Variants in EFNA5 observed in about 807,000 individuals in gnomAD.
The protein encoded by EFNA5 is ephrin A5.
In EFNA5, 5 loss-of-function variants were observed where a neutral mutation model predicts 22.9. That is an observed-to-expected ratio of 0.22 (90% CI 0.11 to 0.46). EFNA5 has a LOEUF of 0.46. EFNA5 is among the 20% of genes least tolerant of loss of function. The pLI, the probability that EFNA5 is intolerant of heterozygous loss-of-function variation, is 0.99. For synonymous variants in EFNA5, 113 were observed against 112.2 expected (o/e 1.01, Z -0.04); for missense variants, 237 against 293.3 (o/e 0.81, Z 1.40).
intron 1 of EFNA5, among the ~76,000 whole-genome samples, chr5:107,637,019 GTTTA>G (rs1750385960): frequency 6.6e-6 from 1 of 152,116 alleles, no homozygotes; most frequent in Non-Finnish European, 1.5e-5. Context: ...CCTGCTTTTT[GTTTA>G]TTTAATTTTA....
chr5:107,447,381 C>T (rs772231286), intron 1 of EFNA5, among the ~76,000 whole-genome samples: 3 of 152,162 alleles, frequency 2.0e-5, no homozygotes, highest in Non-Finnish European at 4.4e-5. Flanking sequence ...ATTGACTTTT[C>T]ACATATTTAT....
rs995031692 is a variant in EFNA5 at position 107,379,984 on chromosome 5, C to T, written c.*1271G>A. ...CAGATAAACACATGTTCCCCCTACGCTTTAGGCTGTGTCAGAAAGGGAAAG... is the reference window on the plus strand; with the variant it reads ...CAGATAAACACATGTTCCCCCTACGTTTTAGGCTGTGTCAGAAAGGGAAAG... On this transcript the variant is annotated 3_prime_UTR_variant, in exon 5 of 5. Coordinates refer to ENST00000333274, the MANE Select transcript of EFNA5 (RefSeq NM_001962.3). 6 of 152,166 alleles carry T rather than the reference C, an allele frequency of 3.9e-5. No homozygotes were observed. The highest frequency in any genetic ancestry group is 1.4e-4 in the African/African-American group (6 of 41,422). The allele number at this position is 152,166 out of a possible 1,614,324, so 9.4% of individuals were successfully genotyped here.
At chr5:107,595,500 T>A (rs1749454450) in intron 1 of EFNA5, among the ~76,000 whole-genome samples, 2 of 152,192 alleles carry the variant, frequency 1.3e-5, no homozygotes, top group African/African-American at 4.8e-5. Flanking sequence ...CATTCATAAT[T>A]TAATAAATAT....
At chr5:107,586,554 T>G (rs926570071) in intron 1 of EFNA5, among the ~76,000 whole-genome samples, 1 of 152,046 alleles carries the variant, frequency 6.6e-6, no homozygotes, top group Non-Finnish European at 1.5e-5. Flanking sequence ...ATCCCTAGAG[T>G]GCTTTCACTG....
At chr5:107,613,135 T>C (rs1749855461) in intron 1 of EFNA5, among the ~76,000 whole-genome samples, 1 of 152,066 alleles carries the variant, frequency 6.6e-6, no homozygotes, top group Non-Finnish European at 1.5e-5. Flanking sequence ...GGAAAGGCTG[T>C]GATTTTGTAC....
intron 1 of EFNA5, among the ~76,000 whole-genome samples, chr5:107,427,774 A>G (rs1748845270): frequency 6.6e-6 from 1 of 152,160 alleles, no homozygotes; most frequent in Admixed American, 6.5e-5. Flanking sequence ...TAAATATTAT[A>G]TTAAATATCA....
chr5:107,389,549 C>G (rs1016996111), intron 2 of EFNA5, among the ~76,000 whole-genome samples: 1 of 152,304 alleles, frequency 6.6e-6, no homozygotes, highest in Non-Finnish European at 1.5e-5. Flanking sequence ...ACTGACTTTA[C>G]AGATGATACT....
chr5:107,407,017 T>A (rs1009082990), intron 2 of EFNA5, among the ~76,000 whole-genome samples: 1 of 152,250 alleles, frequency 6.6e-6, no homozygotes, highest in African/African-American at 2.4e-5. Flanking sequence ...GCTATCAAGA[T>A]GAATAAGTAG....
Position 107,401,109 on chromosome 5 carries a change from TG to T in EFNA5, c.419-13339del, listed in dbSNP as rs200622492. On this transcript the variant is annotated intron_variant, in intron 2 of 4. Transcript: ENST00000333274. ...AAAGGATAACCATCCTTTAACATTTTGTTTCTATTTCTTAAGAAATTTCTGC... is the reference window on the plus strand; with the variant it reads ...AAAGGATAACCATCCTTTAACATTTTTTTCTATTTCTTAAGAAATTTCTGC... 1.2e-4 allele frequency among the ~76,000 whole-genome samples: 19 copies of T among 152,368 alleles called. No homozygotes were observed. In the East Asian group the frequency reaches 3.5e-3, roughly 28 times the overall value.
intron 1 of EFNA5, among the ~76,000 whole-genome samples, chr5:107,627,755 A>G (rs996505768): frequency 6.6e-6 from 1 of 151,926 alleles, no homozygotes; most frequent in African/African-American, 2.4e-5. Flanking sequence ...TGAATCATGT[A>G]TTTTATATTT....
chr5:107,530,059 C>T (rs1359166207), intron 1 of EFNA5, among the ~76,000 whole-genome samples: 3 of 152,164 alleles, frequency 2.0e-5, no homozygotes, highest in Non-Finnish European at 2.9e-5. Flanking sequence ...GCTCTAGCTT[C>T]GTTAAGCTAG....
chr5:107,477,045 C>G (rs2112393883), intron 1 of EFNA5, among the ~76,000 whole-genome samples: 1 of 152,252 alleles, frequency 6.6e-6, no homozygotes, highest in East Asian at 1.9e-4. Context: ...GCTGCTGGGT[C>G]TGTGACAATG....
intron 1 of EFNA5, among the ~76,000 whole-genome samples, chr5:107,641,731 T>C (rs533624751): frequency 5.9e-5 from 9 of 152,298 alleles, no homozygotes; most frequent in Non-Finnish European, 1.0e-4. Flanking sequence ...TAAATATGTA[T>C]AAAAGCCAAA....
At chr5:107,496,592 T>C (rs1444552831) in intron 1 of EFNA5, among the ~76,000 whole-genome samples, 2 of 152,216 alleles carry the variant, frequency 1.3e-5, no homozygotes, top group Non-Finnish European at 2.9e-5. Context: ...CTGACACAGA[T>C]TTGTAGCAGA....
intron 1 of EFNA5, among the ~76,000 whole-genome samples, chr5:107,657,864 C>CA (rs1750862877): frequency 6.7e-6 from 1 of 149,106 alleles, no homozygotes; most frequent in African/African-American, 2.6e-5. Flanking sequence ...TCAGTAAAAA[C>CA]AAAAAACAAA....
intron 2 of EFNA5, among the ~76,000 whole-genome samples, chr5:107,421,796 CTTT>C (rs35309302): frequency 6.9e-6 from 1 of 144,104 alleles, no homozygotes. Flanking sequence ...TTCTTTCTTT[CTTT>C]TTTTTTTTTT....
At chr5:107,492,465 T>A (rs17160042) in intron 1 of EFNA5, among the ~76,000 whole-genome samples, 20,992 of 152,176 alleles carry the variant, frequency 0.14, 1,569 homozygotes, top group East Asian at 0.2. Context: ...GCATGTTATT[T>A]TTCCCTCTAA....
intron 1 of EFNA5, among the ~76,000 whole-genome samples, chr5:107,484,241 A>G (rs768711213): frequency 7.2e-5 from 11 of 152,154 alleles, no homozygotes; most frequent in Non-Finnish European, 1.2e-4. Flanking sequence ...TCCCAAGGTT[A>G]ATGGTTTCGA....
At chr5:107,468,157 A>G (rs1284187029) in intron 1 of EFNA5, among the ~76,000 whole-genome samples, 1 of 152,200 alleles carries the variant, frequency 6.6e-6, no homozygotes, top group Non-Finnish European at 1.5e-5. Flanking sequence ...GAAATGCAAA[A>G]TCACAGTTTT....
Sources: gnomAD v4.1 joint callset for allele counts (sites outside exome capture counted in the v4.1 genomes callset) on GRCh38, gnomAD v4.1.1 for gene constraint, MANE v1.5 for transcripts, NCBI Gene and HGNC (gene_info 2026-07-23, HGNC 2026-07-21) for gene names.